Variants in SLMAP observed in about 807,000 individuals in gnomAD.
SLMAP encodes sarcolemmal membrane-associated protein.
A neutral mutation model predicts 128.8 loss-of-function variants in SLMAP; 44 were observed. That is an observed-to-expected ratio of 0.34 (90% CI 0.27 to 0.44). SLMAP has a LOEUF of 0.44. SLMAP is among the 20% of genes least tolerant of loss of function. The pLI, the probability that SLMAP is intolerant of heterozygous loss-of-function variation, is 1.00. For missense variants in SLMAP, 787 were observed against 985.3 expected (o/e 0.80, Z 2.69); for synonymous variants, 327 against 348.8 (o/e 0.94, Z 0.70).
chr3:57,841,463 A>G, intron 4 of SLMAP, 92 bp downstream of exon 4: 1 of 631,284 alleles, frequency 1.6e-6, no homozygotes, highest in Non-Finnish European at 2.7e-6. Context: ...TACTGCTAAT[A>G]CCTGCTTCAG....
intron 15 of SLMAP, chr3:57,891,208 A>G (rs2096062114): frequency 7.3e-6 from 1 of 137,542 alleles, no homozygotes; most frequent in African/African-American, 2.5e-5. Context: ...AGCCTTAGGA[A>G]AAAAAAAAAA....
chr3:57,890,925 G>A (rs1175207805), intron 15 of SLMAP: 3 of 152,144 alleles, frequency 2.0e-5, no homozygotes, highest in African/African-American at 7.2e-5. Context: ...CCATGTAAGA[G>A]GATGGTGTTA....
At chr3:57,867,249 TTA>T (rs1292496813) in intron 13 of SLMAP, among the ~76,000 whole-genome samples, 1 of 152,182 alleles carries the variant, frequency 6.6e-6, no homozygotes, top group Non-Finnish European at 1.5e-5. Flanking sequence ...AATGTTAGTA[TTA>T]ACCCAAGCTG....
At chr3:57,909,357 C>T (rs2096638945) in intron 19 of SLMAP, among the ~76,000 whole-genome samples, 1 of 151,824 alleles carries the variant, frequency 6.6e-6, no homozygotes. Context: ...CAAAAATTAG[C>T]TGGGCATGGT....
intron 14 of SLMAP, among the ~76,000 whole-genome samples, chr3:57,884,506 A>C (rs772367191): frequency 2.0e-4 from 30 of 152,204 alleles, no homozygotes; most frequent in Non-Finnish European, 4.0e-4. Flanking sequence ...AAAGAGAAAC[A>C]CATATTGATA....
rs189455140 is a variant in SLMAP at position 57,813,062 on chromosome 3, G to C, written c.199-18321G>C. 1.6e-4 allele frequency among the ~76,000 whole-genome samples: 24 copies of C among 149,946 alleles called. No individual in the cohort carries two copies. The East Asian group carries it at 4.5e-3, about 28-fold the overall frequency. On this transcript the variant is annotated intron_variant, in intron 2 of 24. Coordinates refer to ENST00000671191, the MANE Select transcript of SLMAP (RefSeq NM_001377540.1). Reference sequence around the variant, plus strand: ...ATACAAGACTATATCATCTATAAACGGATAATTTTATTTTGTCCTTTCCGT... The same window carrying C: ...ATACAAGACTATATCATCTATAAACCGATAATTTTATTTTGTCCTTTCCGT...
chr3:57,758,284 CTT>C (rs2077963201), intron 2 of SLMAP, among the ~76,000 whole-genome samples: 1 of 152,176 alleles, frequency 6.6e-6, no homozygotes, highest in Non-Finnish European at 1.5e-5. Context: ...TAACACATAG[CTT>C]TAGGTGAGTT....
At chr3:57,866,163 G>C (rs9311662) in intron 13 of SLMAP, among the ~76,000 whole-genome samples, 127,825 of 152,134 alleles carry the variant, frequency 0.84, 54,219 homozygotes, top group African/African-American at 0.95. Flanking sequence ...TCCCAACTAC[G>C]TGGGAGGCTG....
rs2097028625 is a variant in SLMAP at position 57,927,354 on chromosome 3, T to C, written c.*65T>C. 1 of 1,601,936 alleles carries C rather than the reference T, an allele frequency of 6.2e-7. No homozygotes were observed. Among genetic ancestry groups the C allele is most frequent in the Non-Finnish European group, 8.5e-7 (1 of 1,171,372 alleles). Reference sequence around the variant, plus strand: ...CTGGTTGCAGTAACAGCCATCGTGCTGTACGTGCCAGGTCTGGCCAGAGCT... The same window carrying C: ...CTGGTTGCAGTAACAGCCATCGTGCCGTACGTGCCAGGTCTGGCCAGAGCT... On this transcript the variant is annotated 3_prime_UTR_variant, in exon 25 of 25. Coordinates refer to ENST00000671191, the MANE Select transcript of SLMAP (RefSeq NM_001377540.1).
chr3:57,927,202 G>T (rs2097026046), intron 24 of SLMAP, 94 bp from the exon 25 acceptor site: 8 of 580,924 alleles, frequency 1.4e-5, no homozygotes, highest in South Asian at 1.1e-4. Context: ...CCAATATTCT[G>T]TTAAGTATTC....
At chr3:57,877,377 C>A (rs2095627472) in intron 14 of SLMAP, among the ~76,000 whole-genome samples, 1 of 152,112 alleles carries the variant, frequency 6.6e-6, no homozygotes, top group Non-Finnish European at 1.5e-5. Context: ...AGAACAGTCT[C>A]AGTATTCTGA....
intron 2 of SLMAP, among the ~76,000 whole-genome samples, chr3:57,828,590 A>G (rs1161296940): frequency 2.0e-5 from 3 of 152,184 alleles, no homozygotes; most frequent in Non-Finnish European, 4.4e-5. Context: ...CTGTAGGGCT[A>G]CAATGGTAAG....
chr3:57,869,642 A>ATATATATATATG (rs2095428522), intron 13 of SLMAP, among the ~76,000 whole-genome samples: 1 of 129,360 alleles, frequency 7.7e-6, no homozygotes, highest in African/African-American at 3.1e-5. Flanking sequence ...ATATATATAT[A>ATATATATATATG]TATATATATA....
rs367882992 is a variant in SLMAP at position 57,882,007 on chromosome 3, TTAAATAAATAAA to T, written c.1301-8020_1301-8009del. Among the ~76,000 whole-genome samples the T allele has an allele frequency of 1.7e-3, 263 of 152,072 alleles. 1 individual carries two copies. Among genetic ancestry groups the T allele is most frequent in the African/African-American group, 6.1e-3 (252 of 41,442 alleles). ...GGTCAATGTAGCAAGATGCCATATCTTAAATAAATAAATAAATAAATAAATGCAGCTAATCAT... is the reference window on the plus strand; with the variant it reads ...GGTCAATGTAGCAAGATGCCATATCTTAAATAAATAAATGCAGCTAATCAT... On this transcript the variant is annotated intron_variant, in intron 14 of 24. Coordinates refer to ENST00000671191, the MANE Select transcript of SLMAP (RefSeq NM_001377540.1).
chr3:57,807,222 T>C (rs2090071904), intron 2 of SLMAP, among the ~76,000 whole-genome samples: 1 of 152,246 alleles, frequency 6.6e-6, no homozygotes, highest in Admixed American at 6.5e-5. Context: ...TGTTTTTTTC[T>C]TGTAAATCTG....
At chr3:57,830,632 G>C (rs2093276221) in intron 2 of SLMAP, among the ~76,000 whole-genome samples, 1 of 151,930 alleles carries the variant, frequency 6.6e-6, no homozygotes, top group Non-Finnish European at 1.5e-5. Context: ...AAAGAGGGAG[G>C]GTTACCCAAG....
rs573640116 is a variant in SLMAP at position 57,773,269 on chromosome 3, T to C, written c.198+15420T>C. ...GAGTTGAACCTCAGTTAGACTGCAT[T>C]TCAGGTAAGCGGTGGAGATAAGTAA... On this transcript the variant is annotated intron_variant, in intron 2 of 24. Coordinates refer to ENST00000671191, the MANE Select transcript of SLMAP (RefSeq NM_001377540.1). Among the ~76,000 whole-genome samples the C allele has an allele frequency of 2.6e-5, 4 of 152,294 alleles. No individual in the cohort carries two copies. The South Asian group carries it at 8.3e-4, about 32-fold the overall frequency.
chr3:57,919,238 A>C (rs528498150), intron 22 of SLMAP, among the ~76,000 whole-genome samples: 1 of 152,066 alleles, frequency 6.6e-6, no homozygotes, highest in Non-Finnish European at 1.5e-5. Flanking sequence ...AAAATTAGCC[A>C]GGCATGATGG....
chr3:57,879,940 A>T (rs2095690231), intron 14 of SLMAP, among the ~76,000 whole-genome samples: 1 of 144,036 alleles, frequency 6.9e-6, no homozygotes, highest in African/African-American at 2.6e-5. Context: ...ACAGTGTGAG[A>T]CTCTGTCTCA....
Sources: allele counts gnomAD v4.1 joint callset (sites outside exome capture counted in the v4.1 genomes callset), GRCh38; gene constraint gnomAD v4.1.1; transcripts MANE v1.5; gene names NCBI Gene and HGNC (gene_info 2026-07-23, HGNC 2026-07-21).